Variants in GGPS1 observed in about 807,000 individuals in gnomAD.
GGPS1 encodes the protein geranylgeranyl diphosphate synthase 1, also known as geranylgeranyl pyrophosphate synthase.
In GGPS1, 15 loss-of-function variants were observed where a neutral mutation model predicts 28.1. That is an observed-to-expected ratio of 0.53 (90% CI 0.36 to 0.82). The LOEUF (loss-of-function observed/expected upper bound fraction) is 0.82, where lower values mean the gene tolerates loss of function less well. Among genes scored for constraint, GGPS1 ranks in the 40% least tolerant of loss-of-function variants. The pLI is 0.01. For missense variants in GGPS1, 284 were observed against 348.3 expected (o/e 0.82, Z 1.47); for synonymous variants, 138 against 122.4 (o/e 1.13, Z -0.84).
At chr1:235,333,018 A>AGATCGT (rs1558324791) in intron 1 of GGPS1, among the ~76,000 whole-genome samples, 1 of 141,692 alleles carries the variant, frequency 7.1e-6, no homozygotes, top group African/African-American at 2.6e-5. Flanking sequence ...CAGTGAGCCG[A>AGATCGT]GATCGTGCCA....
intron 1 of GGPS1, among the ~76,000 whole-genome samples, chr1:235,332,073 TTATTC>T (rs1675733194): frequency 6.6e-6 from 1 of 152,210 alleles, no homozygotes; most frequent in African/African-American, 2.4e-5. Flanking sequence ...TTTTATTTGT[TTATTC>T]TTACTTGTAT....
intron 2 of GGPS1, among the ~76,000 whole-genome samples, 162 bp downstream of exon 2, chr1:235,335,496 A>T (rs1675837280): frequency 6.6e-6 from 1 of 152,156 alleles, no homozygotes; most frequent in African/African-American, 2.4e-5. Context: ...TTTTTTCTTT[A>T]TTAAAAGGTA....
In GGPS1 at chr1:235,341,715, A is replaced by G. The variant is rs1307563158; in HGVS notation, c.78A>G (p.Gln26=). 2 of 1,572,462 alleles carry G rather than the reference A, an allele frequency of 1.3e-6. No individual in the cohort carries two copies. The highest frequency in any genetic ancestry group is 1.8e-6 in the Non-Finnish European group (2 of 1,142,368). The change falls in exon 3 of 4, where the codon CAA becomes CAG. Residue 26 remains glutamine (Q), a synonymous_variant. Transcript: ENST00000282841. ...YKYLLQLPGK[Q]VRTKLSQAFN... The stretch of plus-strand genomic sequence containing the variant: ...TTTATTTTTAAATTGCAGGTAAACA[A>G]GTGAGAACCAAACTTTCACAGGCAT...
chr1:235,329,248 A>G (rs1675598805), intron 1 of GGPS1: 1 of 152,180 alleles, frequency 6.6e-6, no homozygotes, highest in Non-Finnish European at 1.5e-5. Context: ...TGGGATGTTC[A>G]CTTCTTAGAC....
Position 235,342,180 on chromosome 1 carries a change from T to G in GGPS1, c.311T>G (p.Leu104Ter), listed in dbSNP as rs533187177. The G allele has an allele frequency of 6.2e-7, 1 of 1,614,084 alleles. No individual in the cohort carries two copies. Among genetic ancestry groups the G allele is most frequent in the South Asian group, 1.1e-5 (1 of 91,080 alleles). The change falls in exon 4 of 4, where the codon TTA (leucine) becomes TGA (stop). Residue 104 changes from leucine (L) to a stop codon, truncating the protein, a stop_gained. Coordinates refer to ENST00000282841, the MANE Select transcript of GGPS1 (RefSeq NM_004837.4). LOFTEE classifies it high-confidence loss of function. ...TATTTCCTTGGCTTGGAGAAAGTCTTAACCCTTGATCACCCAGATGCAGTG... is the reference window on the plus strand; with the variant it reads ...TATTTCCTTGGCTTGGAGAAAGTCTGAACCCTTGATCACCCAGATGCAGTG... ...YVYFLGLEKVLTLDHPDAVKL... is the reference protein window; with the variant it reads ...YVYFLGLEKV
intron 1 of GGPS1, among the ~76,000 whole-genome samples, chr1:235,333,567 C>CAAA (rs112155157): frequency 7.7e-6 from 1 of 130,300 alleles, no homozygotes; most frequent in Non-Finnish European, 1.7e-5. Flanking sequence ...AACTCCGTCT[C>CAAA]AAAAAAAAAA....
intron 1 of GGPS1, among the ~76,000 whole-genome samples, chr1:235,334,829 C>A (rs1473052976): frequency 2.0e-5 from 3 of 152,094 alleles, no homozygotes; most frequent in Non-Finnish European, 4.4e-5. Flanking sequence ...CCTCTGCCTC[C>A]CGGGTTCAAG....
At chr1:235,330,185 CTT>C (rs1168276325) in intron 1 of GGPS1, 2 of 152,140 alleles carry the variant, frequency 1.3e-5, no homozygotes, top group African/African-American at 4.8e-5. Flanking sequence ...CCTTTAGACT[CTT>C]AAGAAGACAC....
chr1:235,339,339 A>G (rs1209891605), intron 2 of GGPS1, among the ~76,000 whole-genome samples: 1 of 152,080 alleles, frequency 6.6e-6, no homozygotes, highest in Non-Finnish European at 1.5e-5. Context: ...GTAGTGACGC[A>G]CACCTGTAAT....
intron 2 of GGPS1, among the ~76,000 whole-genome samples, chr1:235,338,341 C>T (rs1392587256): frequency 6.6e-6 from 1 of 151,442 alleles, no homozygotes; most frequent in Admixed American, 6.6e-5. Context: ...AAGATCACAC[C>T]ACTGCACCCC....
intron 2 of GGPS1, among the ~76,000 whole-genome samples, chr1:235,340,108 G>A (rs1675988278): frequency 1.3e-5 from 2 of 152,158 alleles, no homozygotes; most frequent in South Asian, 4.1e-4. Flanking sequence ...AATCCAGCCT[G>A]GGCAACAGAA....
At chr1:235,334,168 A>G (rs1200002044) in intron 1 of GGPS1, among the ~76,000 whole-genome samples, 3 of 152,130 alleles carry the variant, frequency 2.0e-5, no homozygotes, top group African/African-American at 7.3e-5. Flanking sequence ...AGAAACTACT[A>G]GGGGGACGAG....
chr1:235,341,610 G>A (rs1676047519), intron 2 of GGPS1, 98 bp from the exon 3 acceptor site: 1 of 772,454 alleles, frequency 1.3e-6, no homozygotes, highest in South Asian at 1.4e-5. Flanking sequence ...TAGCAAGTCT[G>A]ATCAATCTAA....
upstream of GGPS1, chr1:235,327,405 C>G (rs978531686): frequency 1.3e-5 from 2 of 152,226 alleles, no homozygotes; most frequent in Non-Finnish European, 2.9e-5. Flanking sequence ...CGGGCAGGAC[C>G]GGCCCGCCAC....
chr1:235,332,531 GT>G (rs1675748933), intron 1 of GGPS1, among the ~76,000 whole-genome samples: 1 of 152,100 alleles, frequency 6.6e-6, no homozygotes, highest in Non-Finnish European at 1.5e-5. Context: ...TAAACACATA[GT>G]GCAAGATTTT....
At position 235,341,120 on chromosome 1, in the gene GGPS1, A is replaced by G. The variant is rs1473760005; in HGVS notation, c.71-588A>G. Among the ~76,000 whole-genome samples the G allele has an allele frequency of 2.6e-5, 4 of 152,268 alleles. No individual in the cohort carries two copies. The South Asian group carries it at 8.3e-4, about 32-fold the overall frequency. On this transcript the variant is annotated intron_variant, in intron 2 of 3. Transcript: ENST00000282841. Reference sequence around the variant, plus strand: ...CGATGCGGGTGTATCGCTTGGGCTCAGGAATTCAAGGCCAGCCTGGGCAAC... The same window carrying G: ...CGATGCGGGTGTATCGCTTGGGCTCGGGAATTCAAGGCCAGCCTGGGCAAC...
At chr1:235,335,838 C>T (rs868613118) in intron 2 of GGPS1, among the ~76,000 whole-genome samples, 3 of 152,182 alleles carry the variant, frequency 2.0e-5, no homozygotes, top group East Asian at 1.9e-4. Context: ...GGGGAAGTTA[C>T]GCAGATTTGT....
intron 2 of GGPS1, among the ~76,000 whole-genome samples, chr1:235,339,848 A>G (rs1459238918): frequency 1.3e-5 from 2 of 152,114 alleles, no homozygotes; most frequent in Non-Finnish European, 2.9e-5. Context: ...GGATGTTATT[A>G]CCATGCATTC....
chr1:235,335,094 C>G, intron 1 of GGPS1, 148 bp from the exon 2 acceptor site: 2 of 496,676 alleles, frequency 4.0e-6, no homozygotes, highest in Non-Finnish European at 7.1e-6. Flanking sequence ...GGATTACAGG[C>G]GTGAACTACC....
Sources: gnomAD v4.1 joint callset for allele counts (sites outside exome capture counted in the v4.1 genomes callset) on GRCh38, gnomAD v4.1.1 for gene constraint, MANE v1.5 for transcripts, NCBI Gene and HGNC (gene_info 2026-07-23, HGNC 2026-07-21) for gene names.